RASA2: variants seen among roughly 807,000 people sequenced by gnomAD.
The protein encoded by RASA2 is RAS p21 protein activator 2, also known as ras GTPase-activating protein 2.
In RASA2, 155 loss-of-function variants were observed where a neutral mutation model predicts 118.2. That is an observed-to-expected ratio of 1.31 (90% CI 1.15 to 1.50). RASA2 has a LOEUF of 1.50. Ranked by LOEUF, RASA2 falls within the 40% of genes most tolerant of loss-of-function variation. The pLI is 0.00. For missense variants in RASA2, 1,016 were observed against 1,009.6 expected (o/e 1.01, Z -0.09); for synonymous variants, 353 against 349.1 (o/e 1.01, Z -0.12).
chr3:141,512,352 A>G lies in RASA2; in HGVS notation c.251+72A>G. On this transcript the variant is annotated intron_variant, in intron 2 of 23. Coordinates refer to ENST00000286364, the MANE Select transcript of RASA2 (RefSeq NM_006506.5). ...GTAAATATTATGCATTTTCCAGATT[A>G]TAATAATCAAGAAGACAAGACAGAA... 7.3e-6 allele frequency: 8 copies of G among 1,092,026 alleles called. No homozygotes were observed. The South Asian group carries it at 1.0e-4, about 14-fold the overall frequency. The allele number at this position is 1,092,026 out of a possible 1,614,324, so 67.6% of individuals were successfully genotyped here.
chr3:141,588,441 C>T (rs1005818897), intron 19 of RASA2, among the ~76,000 whole-genome samples: 1 of 152,182 alleles, frequency 6.6e-6, no homozygotes, highest in African/African-American at 2.4e-5. Flanking sequence ...GCGTGTAGCA[C>T]CCCGTGAGCA....
At chr3:141,610,665 A>T (rs993787018) in intron 23 of RASA2, among the ~76,000 whole-genome samples, 1 of 150,308 alleles carries the variant, frequency 6.7e-6, no homozygotes, top group Non-Finnish European at 1.5e-5. Flanking sequence ...TATTTGTTTT[A>T]TTTTTTGTAA....
At position 141,612,597 on chromosome 3, in the gene RASA2, T is replaced by A; in HGVS notation, c.*284T>A. On this transcript the variant is annotated 3_prime_UTR_variant, in exon 24 of 24. Transcript: ENST00000286364. ...CGAAAGAATCTTCCTAGAAAAGCTT[T>A]GTAACAAAGGGAGAACTCCTCCGTA... The A allele has an allele frequency of 1.3e-5, 4 of 303,680 alleles. No homozygotes were observed. The highest frequency in any genetic ancestry group is 2.5e-5 in the Non-Finnish European group (4 of 163,210). The allele number at this position is 303,680 out of a possible 1,614,324, so 18.8% of individuals were successfully genotyped here.
At chr3:141,570,001 G>C (rs1399050252) in intron 9 of RASA2, among the ~76,000 whole-genome samples, 1 of 150,944 alleles carries the variant, frequency 6.6e-6, no homozygotes, top group Non-Finnish European at 1.5e-5. Context: ...TTAGTCTTCA[G>C]TTGATAATTG....
intron 23 of RASA2, among the ~76,000 whole-genome samples, chr3:141,610,399 ATATATTATATATTTATATT>A (rs2083624721): frequency 9.5e-6 from 1 of 105,514 alleles, no homozygotes; most frequent in African/African-American, 3.7e-5. Flanking sequence ...ATTTATATTT[ATATATTATATATTTATATT>A]TATATATTAT....
At position 141,571,049 on chromosome 3, in the gene RASA2, T is replaced by G. The variant is rs1447225136; in HGVS notation, c.1001T>G (p.Leu334Arg). The change falls in exon 10 of 24, where the codon CTA becomes CGA. Residue 334 changes from leucine to arginine, a missense_variant. Leu to Arg is a moderately radical substitution (Grantham distance 102). Transcript: ENST00000286364. Reference sequence around the variant, plus strand: ...TATGGTCCTTTGAAAACTTTGCTGCTAAAATCACCAGATGTTCAAGTATGT... The same window carrying G: ...TATGGTCCTTTGAAAACTTTGCTGCGAAAATCACCAGATGTTCAAGTATGT... ...EYYGPLKTLL[L>R]KSPDVQPISA... 2 of 1,602,044 alleles carry G rather than the reference T, an allele frequency of 1.2e-6. No individual in the cohort carries two copies. The highest frequency in any genetic ancestry group is 2.7e-5 in the African/African-American group (2 of 74,072).
At chr3:141,547,456 T>G (rs2082502351) in intron 5 of RASA2, among the ~76,000 whole-genome samples, 1 of 152,192 alleles carries the variant, frequency 6.6e-6, no homozygotes, top group Non-Finnish European at 1.5e-5. Context: ...TATTTGTAGC[T>G]ATTGTGTAAG....
At chr3:141,611,421 C>A (rs1240642959) in intron 23 of RASA2, among the ~76,000 whole-genome samples, 1 of 152,152 alleles carries the variant, frequency 6.6e-6, no homozygotes, top group Non-Finnish European at 1.5e-5. Context: ...ACATGGCTAC[C>A]CAGTGGTAGA....
intron 19 of RASA2, among the ~76,000 whole-genome samples, chr3:141,604,252 A>G (rs2083512598): frequency 6.6e-6 from 1 of 152,094 alleles, no homozygotes; most frequent in African/African-American, 2.4e-5. Context: ...TTTTCTATTT[A>G]CTAGTCTTTT....
intron 5 of RASA2, among the ~76,000 whole-genome samples, chr3:141,548,088 A>G (rs1194226851): frequency 6.6e-6 from 1 of 152,078 alleles, no homozygotes; most frequent in Non-Finnish European, 1.5e-5. Flanking sequence ...GGGTTTGCTC[A>G]TATTTTGTTG....
In RASA2 at chr3:141,524,451, A is replaced by G. The variant is rs187663794; in HGVS notation, c.356-5257A>G. ...TTACCACAAAGACCAAAATATGTCT[A>G]TCGAAACCTCGTACACTAAGGCTTC... On this transcript the variant is annotated intron_variant, in intron 3 of 23. Coordinates refer to ENST00000286364, the MANE Select transcript of RASA2 (RefSeq NM_006506.5). 1.4e-4 allele frequency among the ~76,000 whole-genome samples: 21 copies of G among 152,330 alleles called. No homozygotes were observed. In the East Asian group the frequency reaches 3.5e-3, roughly 25 times the overall value.
At chr3:141,571,199 C>A in intron 10 of RASA2, 131 bp downstream of exon 10, 1 of 1,069,674 alleles carries the variant, frequency 9.3e-7, no homozygotes, top group Non-Finnish European at 1.3e-6. Flanking sequence ...CATATATATA[C>A]ACACACACAT....
At chr3:141,489,230 A>C (rs75629136) in intron 1 of RASA2, among the ~76,000 whole-genome samples, 1 of 137,918 alleles carries the variant, frequency 7.3e-6, no homozygotes, top group African/African-American at 3.4e-5. Flanking sequence ...TGCTTTCTAG[A>C]AAAAAAAAAT....
chr3:141,553,761 C>CT (rs1171744292), intron 5 of RASA2, 96 bp from the exon 6 acceptor site: 1 of 1,509,178 alleles, frequency 6.6e-7, no homozygotes, highest in African/African-American at 1.4e-5. Context: ...GAAAACAATT[C>CT]TTAACCTTTT....
chr3:141,596,469 G>A (rs2083369704), intron 19 of RASA2, among the ~76,000 whole-genome samples: 1 of 152,066 alleles, frequency 6.6e-6, no homozygotes, highest in African/African-American at 2.4e-5. Flanking sequence ...GTCTATAAAA[G>A]AAAATATTTG....
At chr3:141,600,317 A>G (rs1378972444) in intron 19 of RASA2, 4 of 537,730 alleles carry the variant, frequency 7.4e-6, no homozygotes, top group African/African-American at 1.9e-5. Flanking sequence ...GCACTGTCTG[A>G]TGTCCAAAGT....
At chr3:141,487,423 C>T (rs373356967) in intron 1 of RASA2, among the ~76,000 whole-genome samples, 1 of 151,732 alleles carries the variant, frequency 6.6e-6, no homozygotes, top group Middle Eastern at 3.4e-3. Context: ...GGCTGCTGCT[C>T]TCCGGAGGGA....
intron 19 of RASA2, among the ~76,000 whole-genome samples, chr3:141,588,986 C>T (rs908147758): frequency 8.6e-5 from 13 of 151,926 alleles, no homozygotes; most frequent in African/African-American, 2.2e-4. Flanking sequence ...GGATTACAGG[C>T]GCCCGCCACC....
intron 4 of RASA2, among the ~76,000 whole-genome samples, chr3:141,538,387 T>C (rs1035979671): frequency 3.9e-5 from 6 of 152,192 alleles, no homozygotes; most frequent in Admixed American, 3.9e-4. Context: ...TATGAACTTT[T>C]AAAATCTAGA....
Sources: allele counts gnomAD v4.1 joint callset (sites outside exome capture counted in the v4.1 genomes callset), GRCh38; gene constraint gnomAD v4.1.1; transcripts MANE v1.5; gene names NCBI Gene and HGNC (gene_info 2026-07-23, HGNC 2026-07-21).